Variants in ST3GAL3 observed in about 807,000 individuals in gnomAD.
ST3GAL3 encodes the protein ST3 beta-galactoside alpha-2,3-sialyltransferase 3.
ST3GAL3 carries 21 observed loss-of-function variants against 50.1 expected under a neutral mutation model. The observed-to-expected ratio is 0.42, with a 90% confidence interval of 0.30 to 0.60. The LOEUF (loss-of-function observed/expected upper bound fraction) is 0.60. Ranked by LOEUF, ST3GAL3 falls within the 20% of genes least tolerant of loss-of-function variation. ST3GAL3 has a pLI of 0.19. For missense variants in ST3GAL3, 353 were observed against 489.4 expected, an observed-to-expected ratio of 0.72 and a Z score of 2.63; for synonymous variants, 183 against 190.0, an observed-to-expected ratio of 0.96 and a Z score of 0.30.
intron 9 of ST3GAL3, among the ~76,000 whole-genome samples, chr1:43,910,437 C>A (rs747075515): frequency 6.6e-6 from 1 of 152,236 alleles, no homozygotes; most frequent in Non-Finnish European, 1.5e-5. Flanking sequence ...ATCATGAAAG[C>A]TTCCCTGCAT....
chr1:43,905,298 T>C (rs2079134310), intron 9 of ST3GAL3, among the ~76,000 whole-genome samples: 1 of 131,482 alleles, frequency 7.6e-6, no homozygotes, highest in African/African-American at 3.0e-5. Flanking sequence ...CTTCTGCTCC[T>C]CTTCCTGCCA....
At chr1:43,915,945 C>T (rs1186132011) in intron 9 of ST3GAL3, among the ~76,000 whole-genome samples, 1 of 152,072 alleles carries the variant, frequency 6.6e-6, no homozygotes, top group East Asian at 1.9e-4. Flanking sequence ...ATGGTGAAAC[C>T]CCATCTCTAC....
At chr1:43,826,653 C>T (rs576659452) in intron 4 of ST3GAL3, among the ~76,000 whole-genome samples, 3 of 152,260 alleles carry the variant, frequency 2.0e-5, no homozygotes, top group South Asian at 2.1e-4. Context: ...AGGAAAACTA[C>T]GGACCAATAT....
chr1:43,911,633 C>A (rs201869658), intron 9 of ST3GAL3, among the ~76,000 whole-genome samples: 82,409 of 121,816 alleles, frequency 0.68, 29,479 homozygotes, highest in Non-Finnish European at 0.81. Flanking sequence ...CTATAGATAT[C>A]TATATCTATA....
intron 2 of ST3GAL3, among the ~76,000 whole-genome samples, chr1:43,751,980 A>G (rs942260432): frequency 2.0e-5 from 3 of 151,536 alleles, no homozygotes; most frequent in Admixed American, 6.6e-5. Flanking sequence ...ACCACACCCG[A>G]CTAATTTTGT....
intron 3 of ST3GAL3, among the ~76,000 whole-genome samples, chr1:43,799,287 T>C (rs1404388537): frequency 1.3e-5 from 2 of 152,244 alleles, no homozygotes; most frequent in Non-Finnish European, 2.9e-5. Context: ...TGGGAAAAAA[T>C]TAAGTTATTT....
intron 9 of ST3GAL3, among the ~76,000 whole-genome samples, chr1:43,905,437 C>T (rs1252582857): frequency 8.4e-6 from 1 of 118,428 alleles, no homozygotes; most frequent in Non-Finnish European, 1.8e-5. Flanking sequence ...TCCCCCTCGT[C>T]CTGCTCCTCT....
chr1:43,796,344 G>T (rs946232116), intron 3 of ST3GAL3, among the ~76,000 whole-genome samples: 1 of 152,244 alleles, frequency 6.6e-6, no homozygotes, highest in Non-Finnish European at 1.5e-5. Flanking sequence ...GCAGGAAAGA[G>T]AAAGCAAAGG....
intron 5 of ST3GAL3, among the ~76,000 whole-genome samples, chr1:43,859,396 C>T (rs367896172): frequency 1.3e-5 from 2 of 152,126 alleles, no homozygotes; most frequent in African/African-American, 4.8e-5. Context: ...CCCATCTCTA[C>T]CAAAAATACA....
chr1:43,783,001 A>G (rs1272777388), intron 2 of ST3GAL3, among the ~76,000 whole-genome samples: 1 of 152,204 alleles, frequency 6.6e-6, no homozygotes, highest in African/African-American at 2.4e-5. Flanking sequence ...TTTGTGCAGT[A>G]TGCTGCTTTC....
rs149985175 is a variant in ST3GAL3, at chr1:43,766,219, A to T, written c.119-25883A>T. Among the ~76,000 whole-genome samples the T allele has an allele frequency of 1.3e-4, 20 of 152,238 alleles. No individual in the cohort carries two copies. The South Asian group carries it at 3.1e-3, about 24-fold the overall frequency. On this transcript the variant is annotated intron_variant, in intron 2 of 11. Coordinates refer to ENST00000347631, the MANE Select transcript of ST3GAL3 (RefSeq NM_006279.5). ...AGAGATATCAATGACTTCTTCTGTC[A>T]GTCTATGAGGATTACTGCTGACTGA...
intron 1 of ST3GAL3, chr1:43,727,237 C>G (rs1424655901): frequency 6.6e-6 from 1 of 152,064 alleles, no homozygotes; most frequent in Admixed American, 6.6e-5. Context: ...ACTTACCTTA[C>G]GCCTTCTCTG....
At chr1:43,809,677 A>G (rs1173129174) in intron 3 of ST3GAL3, among the ~76,000 whole-genome samples, 1 of 150,608 alleles carries the variant, frequency 6.6e-6, no homozygotes, top group Non-Finnish European at 1.5e-5. Context: ...AGGCTGGGCT[A>G]TGGGTTGAGA....
intron 2 of ST3GAL3, chr1:43,772,701 GT>G (rs1317439751): frequency 1.3e-5 from 2 of 151,806 alleles, no homozygotes; most frequent in Non-Finnish European, 2.9e-5. Flanking sequence ...CAGTAGAGTT[GT>G]TTAATAAAAT....
At chr1:43,729,165 C>T (rs1447389245) in intron 1 of ST3GAL3, among the ~76,000 whole-genome samples, 2 of 149,524 alleles carry the variant, frequency 1.3e-5, no homozygotes, top group African/African-American at 4.9e-5. Context: ...TCTGGGCTCA[C>T]TGCAACCTCT....
chr1:43,810,414 C>T (rs762087981), intron 3 of ST3GAL3, among the ~76,000 whole-genome samples: 8 of 152,028 alleles, frequency 5.3e-5, no homozygotes, highest in South Asian at 2.1e-4. Flanking sequence ...TGGTTGGAAT[C>T]GTGAGTCAGA....
chr1:43,917,661 A>AAT (rs1553136854), intron 9 of ST3GAL3, among the ~76,000 whole-genome samples: 7 of 53,408 alleles, frequency 1.3e-4, no homozygotes, highest in African/African-American at 2.4e-4. Flanking sequence ...TATAATATAT[A>AAT]ATATATATTA....
intron 3 of ST3GAL3, among the ~76,000 whole-genome samples, chr1:43,806,536 T>A (rs2154168759): frequency 6.6e-6 from 1 of 152,186 alleles, no homozygotes; most frequent in East Asian, 1.9e-4. Flanking sequence ...GGTATTGCCA[T>A]CATTTAAAAA....
chr1:43,899,630 G>T lies in ST3GAL3; in HGVS notation c.647G>T (p.Arg216Leu). Residue 216 changes from arginine to leucine, a missense_variant, in exon 9 of 12, where the codon CGG becomes CTG. Transcript: ENST00000347631. The surrounding 1 kb of genome is among the most constrained non-coding windows in gnomAD (Gnocchi z 5.4). The stretch of plus-strand genomic sequence containing the variant: ...ACCTACCCCGAGGGCGCCATGCAGC[G>T]GCCTGAGCAGTACGAGCGCGATTCT... ...RITYPEGAMQ[R>L]PEQYERDSLF... 1 of 1,614,130 alleles carries T rather than the reference G, an allele frequency of 6.2e-7. No homozygotes were observed. The highest frequency in any genetic ancestry group is 1.1e-5 in the South Asian group (1 of 91,076).
Sources: allele counts gnomAD v4.1 joint callset (sites outside exome capture counted in the v4.1 genomes callset), GRCh38; gene constraint gnomAD v4.1.1; non-coding constraint Gnocchi (gnomAD v3.1); transcripts MANE v1.5; gene names NCBI Gene and HGNC (gene_info 2026-07-23, HGNC 2026-07-21).